NF1: variants seen among roughly 807,000 people sequenced by gnomAD.
NF1 encodes neurofibromin 1.
A neutral mutation model predicts 325.7 loss-of-function variants in NF1; 122 were observed. The observed-to-expected ratio is 0.37, with a 90% CI of 0.32 to 0.44. The LOEUF (loss-of-function observed/expected upper bound fraction) is 0.44. Among genes scored for constraint, NF1 ranks in the 20% least tolerant of loss-of-function variants. The pLI is 1.00. For synonymous variants in NF1, 1,091 were observed against 1,186.0 expected (o/e 0.92, Z 1.65); for missense variants, 2,140 against 3,415.4 (o/e 0.63, Z 9.31).
intron 36 of NF1, among the ~76,000 whole-genome samples, chr17:31,305,961 A>T (rs962317376): frequency 7.9e-5 from 12 of 152,050 alleles, no homozygotes; most frequent in African/African-American, 2.9e-4. Flanking sequence ...ACTTCTCAAA[A>T]CGCATAGGCT....
intron 1 of NF1, among the ~76,000 whole-genome samples, chr17:31,145,463 A>G (rs1916520801): frequency 6.6e-6 from 1 of 152,132 alleles, no homozygotes; most frequent in Non-Finnish European, 1.5e-5. Flanking sequence ...AAGTGCTGGG[A>G]TTAGAGGTGT....
intron 50 of NF1, among the ~76,000 whole-genome samples, chr17:31,350,834 G>A (rs1291669915): frequency 2.0e-5 from 3 of 152,058 alleles, no homozygotes; most frequent in African/African-American, 7.2e-5. Flanking sequence ...ATAATTTAGA[G>A]AAATTTCATG....
At chr17:31,358,854 A>C in intron 55 of NF1, 115 bp from the exon 56 acceptor site, 1 of 1,117,254 alleles carries the variant, frequency 9.0e-7, no homozygotes, top group Non-Finnish European at 1.3e-6. Context: ...TTCTAAAAAC[A>C]TGTTTTCAAC....
At position 31,229,197 on chromosome 17, in the gene NF1, C is replaced by T. The variant is rs1555614266; in HGVS notation, c.2582C>T (p.Ala861Val). The change falls in exon 21 of 58, where the codon GCA (alanine) becomes GTA (valine). Residue 861 changes from alanine (A) to valine (V), a missense_variant. By Grantham distance (64) the Ala-to-Val change is moderately conservative. This residue lies in a region of NF1 where 380 missense variants were observed against 639.3 expected (regional missense o/e 0.59). Coordinates refer to ENST00000358273, the MANE Select transcript of NF1 (RefSeq NM_001042492.3). Reference sequence around the variant, plus strand: ...CAGCAGAGAAGCAATTCTGGCCTGGCAACCTATAGCCCACCCATGGGTCCA... The same window carrying T: ...CAGCAGAGAAGCAATTCTGGCCTGGTAACCTATAGCCCACCCATGGGTCCA... The part of the protein sequence containing the change: ...CLQQRSNSGL[A>V]TYSPPMGPVS... The T allele has an allele frequency of 1.2e-6, 2 of 1,612,004 alleles. No individual in the cohort carries two copies. Among genetic ancestry groups the T allele is most frequent in the Non-Finnish European group, 1.7e-6 (2 of 1,179,834 alleles).
chr17:31,131,910 GT>G (rs532700158), intron 1 of NF1, among the ~76,000 whole-genome samples: 2 of 148,742 alleles, frequency 1.3e-5, no homozygotes, highest in African/African-American at 2.4e-5. Flanking sequence ...ATTTTTTCAT[GT>G]TTTTTTTTCT....
intron 4 of NF1, among the ~76,000 whole-genome samples, chr17:31,164,585 A>G (rs540761827): frequency 6.6e-6 from 1 of 152,346 alleles, no homozygotes; most frequent in East Asian, 1.9e-4. Flanking sequence ...GTGTTGTACG[A>G]ACAGTGGACT....
intron 36 of NF1, among the ~76,000 whole-genome samples, chr17:31,289,671 T>C (rs1211553020): frequency 4.6e-5 from 7 of 152,214 alleles, no homozygotes; most frequent in African/African-American, 1.7e-4. Context: ...TGGCCAGATA[T>C]TCTGGTCAGT....
intron 8 of NF1, chr17:31,183,131 A>C: frequency 3.1e-6 from 1 of 319,608 alleles, no homozygotes; most frequent in Non-Finnish European, 5.7e-6. Context: ...AGGCTCTCGC[A>C]TATACCATCT....
At chr17:31,294,745 T>G in intron 36 of NF1, 1 of 504,076 alleles carries the variant, frequency 2.0e-6, no homozygotes, top group Non-Finnish European at 3.6e-6. Context: ...TGCAATAAAT[T>G]GAAGCCTTAA....
At chr17:31,136,105 G>A (rs1298481566) in intron 1 of NF1, among the ~76,000 whole-genome samples, 3 of 151,874 alleles carry the variant, frequency 2.0e-5, no homozygotes, top group East Asian at 1.9e-4. Context: ...CGAGGCGGGC[G>A]GATCACAAGG....
chr17:31,280,550 A>G (rs988308487), intron 36 of NF1, among the ~76,000 whole-genome samples: 11 of 149,770 alleles, frequency 7.3e-5, no homozygotes, highest in Non-Finnish European at 1.5e-4. Flanking sequence ...AGTAAGAATC[A>G]TACTTAGCCT....
intron 5 of NF1, among the ~76,000 whole-genome samples, chr17:31,178,036 C>T (rs546821696): frequency 6.6e-5 from 10 of 152,120 alleles, no homozygotes; most frequent in South Asian, 4.1e-4. Flanking sequence ...AGATAATCCT[C>T]GAGAAGAGCA....
intron 1 of NF1, 160 bp downstream of exon 1, chr17:31,095,529 C>T (rs1413861801): frequency 4.6e-6 from 3 of 648,924 alleles, no homozygotes; most frequent in Non-Finnish European, 2.5e-6. Flanking sequence ...TGGGGGTGGC[C>T]AAGGCGGGAG....
intron 57 of NF1, chr17:31,361,093 AAAAAAAAAAAAAAAAG>A (rs1157991332): frequency 1.3e-5 from 2 of 158,508 alleles, no homozygotes; most frequent in Non-Finnish European, 2.7e-5. Context: ...AAAAAAAAAA[AAAAAAAAAAAAAAAAG>A]AAGAAGAAGA....
intron 36 of NF1, among the ~76,000 whole-genome samples, chr17:31,283,277 C>T (rs1250203034): frequency 2.0e-5 from 3 of 151,888 alleles, no homozygotes; most frequent in Non-Finnish European, 2.9e-5. Flanking sequence ...CTTAGCTGGT[C>T]GTGGTGGCGG....
In NF1 at chr17:31,374,085, C is replaced by T. The variant is rs1048863798; in HGVS notation, c.8450C>T (p.Ser2817Phe). Residue 2817 changes from serine to phenylalanine, a missense_variant, in exon 58 of 58, where the codon TCC becomes TTC. Ser to Phe is a radical substitution (Grantham distance 155). Transcript: ENST00000358273. ...AACAGTGGACGAACTCGCCACGGAT[C>T]CGCAAGCCAAGTGCAGAAGCAAAGA... The part of the protein sequence containing the change: ...HCNSGRTRHG[S>F]ASQVQKQRSA... 2 of 1,614,104 alleles carry T rather than the reference C, an allele frequency of 1.2e-6. No individual in the cohort carries two copies. Among genetic ancestry groups the T allele is most frequent in the Non-Finnish European group, 1.7e-6 (2 of 1,179,966 alleles).
intron 36 of NF1, among the ~76,000 whole-genome samples, chr17:31,273,997 C>T (rs1473398525): frequency 6.6e-6 from 1 of 152,100 alleles, no homozygotes; most frequent in African/African-American, 2.4e-5. Flanking sequence ...AACATCTGTA[C>T]ATATGTTTAT....
chr17:31,286,385 A>G (rs997403842), intron 36 of NF1, among the ~76,000 whole-genome samples: 1 of 152,266 alleles, frequency 6.6e-6, no homozygotes, highest in Admixed American at 6.5e-5. Context: ...CACCACACCC[A>G]GCCTATTTTA....
At chr17:31,247,909 C>G (rs760619884) in intron 29 of NF1, among the ~76,000 whole-genome samples, 2 of 152,086 alleles carry the variant, frequency 1.3e-5, no homozygotes, top group Non-Finnish European at 2.9e-5. Context: ...AAAGTAAAGA[C>G]CTACATCATT....
Sources: allele counts gnomAD v4.1 joint callset (sites outside exome capture counted in the v4.1 genomes callset), GRCh38; gene constraint gnomAD v4.1.1; regional missense constraint gnomAD v4.1.1; transcripts MANE v1.5; gene names NCBI Gene and HGNC (gene_info 2026-07-23, HGNC 2026-07-21).